SLC35F4: variants seen among roughly 807,000 people sequenced by gnomAD.
The protein encoded by SLC35F4 is chromosome 14 open reading frame 36.
SLC35F4 carries 24 observed loss-of-function variants against 44.2 expected under a neutral mutation model. The observed-to-expected ratio is 0.54, with a 90% CI of 0.39 to 0.76. The LOEUF (loss-of-function observed/expected upper bound fraction) is 0.76. Among genes scored for constraint, SLC35F4 ranks in the 30% least tolerant of loss-of-function variants. The pLI is 0.00. For missense variants in SLC35F4, 562 were observed against 586.1 expected, an observed-to-expected ratio of 0.96 and a Z score of 0.42; for synonymous variants, 238 against 223.6, an observed-to-expected ratio of 1.06 and a Z score of -0.57.
intron 1 of SLC35F4, among the ~76,000 whole-genome samples, chr14:57,897,176 T>C (rs1022835028): frequency 1.3e-5 from 2 of 152,182 alleles, no homozygotes; most frequent in African/African-American, 4.8e-5. Context: ...ACTTTTACTC[T>C]CTTTCTGGTT....
downstream of SLC35F4, among the ~76,000 whole-genome samples, chr14:57,975,939 C>T (rs1490364806): frequency 6.6e-6 from 1 of 152,124 alleles, no homozygotes; most frequent in African/African-American, 2.4e-5. Context: ...GCCTTGAATA[C>T]CAGGGATCTG....
At chr14:57,917,117 A>G (rs1275500868) in intron 1 of SLC35F4, among the ~76,000 whole-genome samples, 1 of 151,952 alleles carries the variant, frequency 6.6e-6, no homozygotes, top group Non-Finnish European at 1.5e-5. Flanking sequence ...CTGGAGTGCA[A>G]TGGTGCTCTC....
intron 1 of SLC35F4, among the ~76,000 whole-genome samples, chr14:57,907,197 A>G (rs1889117570): frequency 6.6e-6 from 1 of 152,314 alleles, no homozygotes; most frequent in Admixed American, 6.5e-5. Context: ...AGTGATGATC[A>G]TTAACATTTC....
chr14:57,977,492 T>A lies in SLC35F4; in HGVS notation n.152-535A>T, dbSNP rs7158982. ...ACCCTCCTGGAGAGCTACTGGGAAC[T>A]GATAGAAAGTGATTGACTACAATCC... On this transcript the variant is annotated intron_variant and non_coding_transcript_variant, in intron 1 of 1. Transcript: ENST00000554648. Among the ~76,000 whole-genome samples the A allele has an allele frequency of 3.3e-5, 5 of 152,060 alleles. No individual in the cohort carries two copies. The South Asian group carries it at 1.0e-3, about 32-fold the overall frequency.
At chr14:57,796,134 T>C (rs766025698) in intron 1 of SLC35F4, among the ~76,000 whole-genome samples, 2 of 152,188 alleles carry the variant, frequency 1.3e-5, no homozygotes, top group Non-Finnish European at 2.9e-5. Context: ...ATTTCATTCT[T>C]CTATATGGCT....
intron 1 of SLC35F4, among the ~76,000 whole-genome samples, chr14:57,666,862 G>T (rs10431696): frequency 0.63 from 95,818 of 151,788 alleles, 30,589 homozygotes; most frequent in African/African-American, 0.72. Context: ...AGCCTGGGCT[G>T]GCTAGACAAT....
chr14:57,893,841 T>C (rs1004660848), intron 1 of SLC35F4, among the ~76,000 whole-genome samples: 2 of 151,288 alleles, frequency 1.3e-5, no homozygotes, highest in Non-Finnish European at 3.0e-5. Context: ...CCCCTCAAAA[T>C]ACGTTCTGAG....
At chr14:57,687,570 G>C (rs1222042881) in intron 1 of SLC35F4, among the ~76,000 whole-genome samples, 1 of 152,164 alleles carries the variant, frequency 6.6e-6, no homozygotes, top group Admixed American at 6.6e-5. Context: ...TCCACAGTCT[G>C]TGCATCAGCA....
chr14:57,846,836 C>A lies in SLC35F4; in HGVS notation c.103+18887G>T, dbSNP rs1886071256. ...TCAGAGAGTTAGTGAGAGTACATAC[C>A]ATAGGCCCCAGCCTAAACCCTCCTC... On this transcript the variant is annotated intron_variant, in intron 1 of 7. Transcript: ENST00000556826. Among the ~76,000 whole-genome samples the A allele has an allele frequency of 1.3e-5, 2 of 152,120 alleles. 1 individual carries two copies. The highest frequency in any genetic ancestry group is 4.1e-4 in the South Asian group (2 of 4,824).
rs150053813 is a variant in SLC35F4, at chr14:57,766,857, T to C, written c.103+98866A>G. Among the ~76,000 whole-genome samples, 496 of 152,274 alleles carry C rather than the reference T, an allele frequency of 3.3e-3. 1 individual carries two copies. The highest frequency in any genetic ancestry group is 0.011 in the African/African-American group (468 of 41,550). ...ACCTTAAATGTAAATAGCCCAAATATACAAATCAAAAGACAGAGAGTGATA... is the reference window on the plus strand; with the variant it reads ...ACCTTAAATGTAAATAGCCCAAATACACAAATCAAAAGACAGAGAGTGATA... On this transcript the variant is annotated intron_variant, in intron 1 of 7. Coordinates refer to ENST00000556826, the MANE Select transcript of SLC35F4 (RefSeq NM_001306087.2).
intron 1 of SLC35F4, among the ~76,000 whole-genome samples, chr14:57,891,541 A>C (rs1595271412): frequency 6.6e-6 from 1 of 152,050 alleles, no homozygotes; most frequent in East Asian, 1.9e-4. Flanking sequence ...ATTAGTAAGA[A>C]TAATATAAGT....
chr14:57,770,367 T>C (rs2077334524), intron 1 of SLC35F4, among the ~76,000 whole-genome samples: 1 of 152,222 alleles, frequency 6.6e-6, no homozygotes, highest in Non-Finnish European at 1.5e-5. Context: ...TTGTTTCGTA[T>C]GTATGTTGTA....
intron 2 of SLC35F4, among the ~76,000 whole-genome samples, 153 bp downstream of exon 2, chr14:57,593,786 C>T (rs1196895565): frequency 2.2e-4 from 33 of 152,204 alleles, no homozygotes; most frequent in Admixed American, 2.2e-3. Context: ...CTATATATTT[C>T]CCTGCTTCCT....
At chr14:57,607,665 A>C (rs985081499) in intron 1 of SLC35F4, among the ~76,000 whole-genome samples, 1 of 152,248 alleles carries the variant, frequency 6.6e-6, no homozygotes, top group Non-Finnish European at 1.5e-5. Flanking sequence ...GGATTTAAGT[A>C]GGGAAGTGGA....
At chr14:57,742,165 C>T (rs1243709273) in intron 1 of SLC35F4, among the ~76,000 whole-genome samples, 1 of 152,204 alleles carries the variant, frequency 6.6e-6, no homozygotes, top group Non-Finnish European at 1.5e-5. Flanking sequence ...ACTGCATCAA[C>T]TAACGAGCAA....
intron 1 of SLC35F4, among the ~76,000 whole-genome samples, chr14:57,697,345 A>G (rs1382285101): frequency 6.6e-6 from 1 of 152,158 alleles, no homozygotes; most frequent in Non-Finnish European, 1.5e-5. Context: ...AATTTTAAAC[A>G]AATTTTTAAA....
chr14:57,581,466 A>C (rs762609144), intron 3 of SLC35F4, 33 bp from the exon 4 acceptor site: 15 of 1,553,856 alleles, frequency 9.7e-6, no homozygotes, highest in East Asian at 4.6e-5. Flanking sequence ...ATATCCAGGT[A>C]CTGATGGTGA....
intron 1 of SLC35F4, among the ~76,000 whole-genome samples, chr14:57,635,198 A>G (rs912632503): frequency 4.4e-4 from 66 of 151,024 alleles, no homozygotes; most frequent in African/African-American, 1.6e-3. Flanking sequence ...GTGAGTTATG[A>G]TCATGCCATT....
rs138254867 is a variant in SLC35F4 at position 57,646,072 on chromosome 14, G to T, written c.104-51948C>A. Among the ~76,000 whole-genome samples, 122 of 152,248 alleles carry T rather than the reference G, an allele frequency of 8.0e-4. 2 individuals are homozygous for T. The highest frequency in any genetic ancestry group is 2.7e-3 in the African/African-American group (113 of 41,542). Reference sequence around the variant, plus strand: ...GTACCAATGTTCATCAAGGATATTGGCCTAAAATTATCTTTTTTTGTTGTG... The same window carrying T: ...GTACCAATGTTCATCAAGGATATTGTCCTAAAATTATCTTTTTTTGTTGTG... On this transcript the variant is annotated intron_variant, in intron 1 of 7. Transcript: ENST00000556826.
Sources: gnomAD v4.1 joint callset for allele counts (sites outside exome capture counted in the v4.1 genomes callset) on GRCh38, gnomAD v4.1.1 for gene constraint, MANE v1.5 for transcripts, NCBI Gene and HGNC (gene_info 2026-07-23, HGNC 2026-07-21) for gene names.